SLC4A4: variants seen among roughly 807,000 people sequenced by gnomAD.
SLC4A4 encodes the protein electrogenic sodium bicarbonate cotransporter 1.
A neutral mutation model predicts 111.5 loss-of-function variants in SLC4A4; 27 were observed. The ratio of observed to expected loss-of-function variants is 0.24; its 90% CI spans 0.18 to 0.33. The LOEUF is 0.33. Among genes scored for constraint, SLC4A4 ranks in the 10% least tolerant of loss-of-function variants. SLC4A4 has a pLI of 1.00. For missense variants in SLC4A4, 909 were observed against 1,315.5 expected, an observed-to-expected ratio of 0.69 and a Z score of 4.78; for synonymous variants, 443 against 463.4, an observed-to-expected ratio of 0.96 and a Z score of 0.57.
At chr4:71,072,290 G>A (rs1288685888) in intron 1 of SLC4A4, among the ~76,000 whole-genome samples, 5 of 152,048 alleles carry the variant, frequency 3.3e-5, no homozygotes, top group African/African-American at 1.2e-4. Flanking sequence ...ATTTTGTATA[G>A]ATGGCTGTTG....
intron 2 of SLC4A4, among the ~76,000 whole-genome samples, chr4:71,137,364 C>A (rs192985242): frequency 6.6e-5 from 10 of 152,330 alleles, no homozygotes; most frequent in Non-Finnish European, 1.0e-4. Context: ...ACTTATCTAT[C>A]TAGACATCAG....
At chr4:71,521,432 C>T (rs1229998079) in intron 16 of SLC4A4, among the ~76,000 whole-genome samples, 1 of 152,004 alleles carries the variant, frequency 6.6e-6, no homozygotes, top group African/African-American at 2.4e-5. Flanking sequence ...TGGGGTGTTA[C>T]TGTGTCGCCC....
chr4:71,199,341 C>T (rs533752417), intron 1 of SLC4A4, among the ~76,000 whole-genome samples: 5 of 152,302 alleles, frequency 3.3e-5, no homozygotes, highest in African/African-American at 1.2e-4. Context: ...AAGTCCACAC[C>T]TTGCTACTGA....
At chr4:71,277,938 T>C (rs75759033) in intron 3 of SLC4A4, among the ~76,000 whole-genome samples, 1,561 of 152,292 alleles carry the variant, frequency 0.01, 39 homozygotes, top group East Asian at 0.091. Flanking sequence ...ACCTAGTTAC[T>C]GTTGTTTTCT....
At chr4:71,459,272 T>C (rs992871675) in intron 12 of SLC4A4, among the ~76,000 whole-genome samples, 3 of 152,048 alleles carry the variant, frequency 2.0e-5, no homozygotes, top group African/African-American at 7.2e-5. Context: ...TCTTATTTTG[T>C]GTTTGACTTG....
intron 6 of SLC4A4, among the ~76,000 whole-genome samples, chr4:71,385,870 T>C (rs994843136): frequency 2.6e-5 from 4 of 152,186 alleles, no homozygotes; most frequent in African/African-American, 9.7e-5. Flanking sequence ...CACTGCACAG[T>C]GGACATTCTG....
At position 71,393,949 on chromosome 4, in the gene SLC4A4, C is replaced by T. The variant is rs147697833; in HGVS notation, c.731-3628C>T. Among the ~76,000 whole-genome samples, 1,126 of 152,110 alleles carry T rather than the reference C, an allele frequency of 7.4e-3. 7 individuals are homozygous for T. The highest frequency in any genetic ancestry group is 0.011 in the Non-Finnish European group (753 of 67,948). ...TTTCAACAAATGGTGCTGAGATAAT[C>T]GGCTAGCCACAGGTAGGAGAATGAA... On this transcript the variant is annotated intron_variant, in intron 6 of 25. Transcript: ENST00000264485.
chr4:71,300,198 G>A (rs1725119071), intron 3 of SLC4A4: 1 of 170,298 alleles, frequency 5.9e-6, no homozygotes, highest in Admixed American at 6.0e-5. Flanking sequence ...CCTGGGAGGG[G>A]GCTCTGATGG....
At chr4:71,541,320 G>T (rs1735033199) in intron 18 of SLC4A4, among the ~76,000 whole-genome samples, 1 of 152,114 alleles carries the variant, frequency 6.6e-6, no homozygotes, top group Admixed American at 6.6e-5. Context: ...GAGAAAAACA[G>T]GGACGTTTGT....
intron 20 of SLC4A4, among the ~76,000 whole-genome samples, chr4:71,551,767 A>G (rs1042139218): frequency 2.6e-5 from 4 of 152,046 alleles, no homozygotes; most frequent in South Asian, 2.1e-4. Context: ...TTTCATGTGC[A>G]GATAAATACA....
chr4:71,453,463 AT>A, intron 11 of SLC4A4, 31 bp from the exon 12 acceptor site: 1 of 1,600,732 alleles, frequency 6.2e-7, no homozygotes, highest in Non-Finnish European at 8.6e-7. Context: ...TTTACTTTAC[AT>A]TTAGTGGATG....
At chr4:71,543,008 C>G (rs1041257287) in intron 18 of SLC4A4, among the ~76,000 whole-genome samples, 3 of 152,070 alleles carry the variant, frequency 2.0e-5, no homozygotes, top group African/African-American at 7.2e-5. Context: ...CCTCATGGAA[C>G]TGTGAGAGAG....
At chr4:71,145,406 C>G (rs922450468) in intron 2 of SLC4A4, among the ~76,000 whole-genome samples, 1 of 152,132 alleles carries the variant, frequency 6.6e-6, no homozygotes, top group African/African-American at 2.4e-5. Flanking sequence ...GTCTAAAATT[C>G]TCTTTTTTTG....
intron 16 of SLC4A4, among the ~76,000 whole-genome samples, chr4:71,523,736 A>G (rs575133270): frequency 1.1e-4 from 17 of 152,224 alleles, no homozygotes; most frequent in Admixed American, 9.8e-4. Context: ...TGACTGATTA[A>G]TTATTATTTT....
At chr4:71,560,288 G>C in intron 23 of SLC4A4, 34 bp downstream of exon 23, 2 of 1,572,898 alleles carry the variant, frequency 1.3e-6, no homozygotes, top group African/African-American at 1.4e-5. Context: ...AGGAAAGCTA[G>C]TTAAAGAAAC....
intron 18 of SLC4A4, among the ~76,000 whole-genome samples, chr4:71,543,225 C>A (rs1399144311): frequency 6.6e-6 from 1 of 151,992 alleles, no homozygotes; most frequent in Non-Finnish European, 1.5e-5. Flanking sequence ...TATGCATAGG[C>A]CTTACAAAAG....
At chr4:71,175,540 G>A (rs535244551) in intron 2 of SLC4A4, among the ~76,000 whole-genome samples, 44 of 152,350 alleles carry the variant, frequency 2.9e-4, no homozygotes, top group South Asian at 8.3e-4. Flanking sequence ...TATCCCGCGC[G>A]TGGCTTGGAG....
At chr4:71,111,117 A>G (rs1743073109) in intron 2 of SLC4A4, among the ~76,000 whole-genome samples, 1 of 152,126 alleles carries the variant, frequency 6.6e-6, no homozygotes, top group Non-Finnish European at 1.5e-5. Context: ...AAATTATTTA[A>G]TCTCATGAAC....
chr4:71,334,913 A>AT (rs1326265575), intron 3 of SLC4A4, among the ~76,000 whole-genome samples: 1 of 152,068 alleles, frequency 6.6e-6, no homozygotes, highest in African/African-American at 2.4e-5. Context: ...AGACCAATTT[A>AT]TTTTTTTCTG....
Sources: gnomAD v4.1 joint callset for allele counts (sites outside exome capture counted in the v4.1 genomes callset) on GRCh38, gnomAD v4.1.1 for gene constraint, MANE v1.5 for transcripts, NCBI Gene and HGNC (gene_info 2026-07-23, HGNC 2026-07-21) for gene names.